CENPM: variants seen among roughly 807,000 people sequenced by gnomAD.
CENPM encodes the protein centromere protein M, also known as interphase centromere complex protein 39.
Under a neutral mutation model 19.6 loss-of-function variants are expected in CENPM, and 14 were observed. The observed-to-expected ratio is 0.71, with a 90% CI of 0.47 to 1.11. The LOEUF is 1.11. Ranked by LOEUF, CENPM falls within the 50% of genes most tolerant of loss-of-function variation. CENPM has a pLI of 0.00. For missense variants in CENPM, 239 were observed against 228.4 expected (o/e 1.05, Z -0.30); for synonymous variants, 114 against 101.5 (o/e 1.12, Z -0.74).
the CENPM span, chr22:41,928,047 C>T: frequency 1.2e-5 from 3 of 247,732 alleles, no homozygotes; most frequent in Non-Finnish European, 2.5e-5. The surrounding 1 kb of genome is among the most constrained non-coding windows in gnomAD (Gnocchi z 4.0). Flanking sequence ...ACAGGAAGTC[C>T]AGGGAGTGCT....
At chr22:41,931,073 C>T in the CENPM span, among the ~76,000 whole-genome samples, 1 of 147,126 alleles carries the variant, frequency 6.8e-6, no homozygotes, top group Non-Finnish European at 1.5e-5. Flanking sequence ...TGGTCTCAAG[C>T]GACCTGCGCG....
At chr22:41,944,994 G>C (rs2146614869) in intron 4 of CENPM, 2 of 1,359,026 alleles carry the variant, frequency 1.5e-6, no homozygotes, top group East Asian at 2.7e-5. Context: ...GTTAAAACTT[G>C]TGTCATGGGG....
downstream of CENPM, among the ~76,000 whole-genome samples, chr22:41,936,944 A>G (rs995058689): frequency 6.6e-6 from 1 of 152,092 alleles, no homozygotes; most frequent in Non-Finnish European, 1.5e-5. Flanking sequence ...CCAAAAAAAA[A>G]GAAAAAAGCA....
At chr22:41,945,046 A>G (rs2077782552) in intron 4 of CENPM, 179 bp downstream of exon 4, 4 of 1,455,978 alleles carry the variant, frequency 2.7e-6, no homozygotes, top group African/African-American at 1.4e-5. Flanking sequence ...TAAGCCTAGT[A>G]CCCATTAGTT....
rs908944100 is a variant in CENPM at position 41,947,065 on chromosome 22, C to T, written c.12G>A (p.Leu4=). 8.1e-6 allele frequency: 13 copies of T among 1,612,912 alleles called. No homozygotes were observed. Among genetic ancestry groups the T allele is most frequent in the Non-Finnish European group, 1.0e-5 (12 of 1,179,928 alleles). The change falls in exon 1 of 6, where the codon TTG becomes TTA. Residue 4 remains leucine (L), a synonymous_variant. Coordinates refer to ENST00000215980, the MANE Select transcript of CENPM (RefSeq NM_024053.5). MSV[L]RPLDKLPGLN... ...GGCCGGGCAGCTTGTCCAGGGGCCT[C>T]AACACCGACATCACAGCCGCAGGAC... is the stretch of plus-strand genomic sequence containing the variant.
the CENPM span, among the ~76,000 whole-genome samples, chr22:41,927,546 G>T: frequency 2.1e-5 from 3 of 145,812 alleles, no homozygotes; most frequent in Non-Finnish European, 3.0e-5. Flanking sequence ...AAAGAGTCTG[G>T]CTCTGTGCAG....
At chr22:41,939,878 A>AAGAAAGAAAG (rs1399573773) in intron 5 of CENPM, among the ~76,000 whole-genome samples, 2 of 72,986 alleles carry the variant, frequency 2.7e-5, no homozygotes, top group Non-Finnish European at 2.4e-5. Flanking sequence ...GAAAGAAAGA[A>AAGAAAGAAAG]AAAGAAAGAA....
downstream of CENPM, among the ~76,000 whole-genome samples, chr22:41,935,395 C>T (rs1030048101): frequency 1.3e-5 from 2 of 152,120 alleles, no homozygotes; most frequent in Non-Finnish European, 2.9e-5. Flanking sequence ...ACACCCATTC[C>T]ATCAGCCCCG....
In CENPM at chr22:41,943,612, C is replaced by A. The variant is rs770672067; in HGVS notation, c.400G>T (p.Glu134Ter). ...YQSPLLYCDL[E>*]VEGFRATMAQ... ...GTCTCTGTGATCAGCATGCTCACCT[C>A]CAGGTCACAGTAGAGCAGGGGGCTT... Residue 134 changes from glutamate to a stop codon, truncating the protein, a stop_gained and splice_region_variant, in exon 5 of 6, where the codon GAG (glutamate) becomes TAG (stop). Transcript: ENST00000215980. LOFTEE classifies it high-confidence loss of function. 1.9e-6 allele frequency: 3 copies of A among 1,612,720 alleles called. No homozygotes were observed. The African/African-American group carries it at 4.0e-5, about 22-fold the overall frequency.
the CENPM span, among the ~76,000 whole-genome samples, chr22:41,927,644 C>T: frequency 6.6e-6 from 1 of 151,808 alleles, no homozygotes; most frequent in Admixed American, 6.6e-5. Flanking sequence ...GGATTACAGG[C>T]ATGCACCACC....
In CENPM at chr22:41,945,914, T is replaced by A; in HGVS notation, c.229A>T (p.Ser77Cys). 2 of 1,612,956 alleles carry A rather than the reference T, an allele frequency of 1.2e-6. No individual in the cohort carries two copies. The highest frequency in any genetic ancestry group is 1.7e-6 in the Non-Finnish European group (2 of 1,179,122). The change falls in exon 3 of 6, where the codon AGT becomes TGT. Residue 77 changes from serine (S) to cysteine (C), a missense_variant and splice_region_variant. Physicochemically the swap from Ser to Cys is moderately radical, Grantham distance 112. Coordinates refer to ENST00000215980, the MANE Select transcript of CENPM (RefSeq NM_024053.5). ...VFVVNLHSKY[S>C]LQNTEESLRH... is the part of the protein sequence containing the mutation. ...ACTGCCCCTTCCTCTGGCTCTCACC[T>A]GTATTTGCTGTGAAGATTAACCACA... is the stretch of plus-strand genomic sequence containing the variant.
At chr22:41,935,320 G>A (rs1169127468), downstream of CENPM, among the ~76,000 whole-genome samples, 1 of 152,024 alleles carries the variant, frequency 6.6e-6, no homozygotes, top group Non-Finnish European at 1.5e-5. Context: ...CCTCCTGGTC[G>A]CCAGCAAAAA....
chr22:41,946,327 G>C lies in CENPM; in HGVS notation c.137+90C>G. On this transcript the variant is annotated intron_variant, in intron 2 of 5. Coordinates refer to ENST00000215980, the MANE Select transcript of CENPM (RefSeq NM_024053.5). ...GGGAGAAGGACCAGCCTCAGAGGAG[G>C]GGGCGCTGGGCTTCGGAGTTTAGCA... 4 of 1,106,872 alleles carry C rather than the reference G, an allele frequency of 3.6e-6. No homozygotes were observed. In the South Asian group the frequency reaches 5.6e-5, roughly 15 times the overall value. 68.6% of individuals were successfully genotyped at this position (1,106,872 alleles called of 1,614,324 possible). A position where few individuals can be genotyped will look rare whatever the true frequency, so the allele number is the denominator to read the frequency against.
chr22:41,946,954 AC>A (rs2077812635), intron 1 of CENPM, 65 bp downstream of exon 1: 2 of 1,523,124 alleles, frequency 1.3e-6, no homozygotes, highest in South Asian at 2.2e-5. Flanking sequence ...AGCTCAGTTG[AC>A]CTAGTGGCTG....
chr22:41,932,521 C>A, the CENPM span, among the ~76,000 whole-genome samples: 3 of 152,242 alleles, frequency 2.0e-5, no homozygotes, highest in Non-Finnish European at 4.4e-5. This position sits in a 1 kb window ranked among gnomAD's most constrained non-coding sequence, Gnocchi z 4.3. Flanking sequence ...GCTGGAGCTG[C>A]CTGTCATCCA....
intron 4 of CENPM, 38 bp from the exon 5 acceptor site, chr22:41,943,739 A>C: frequency 6.4e-7 from 1 of 1,573,804 alleles, no homozygotes; most frequent in East Asian, 2.3e-5. Flanking sequence ...TGCAATCTCT[A>C]CCTTCCTGGC....
chr22:41,928,099 G>A, the CENPM span: 1 of 341,218 alleles, frequency 2.9e-6, no homozygotes, highest in South Asian at 2.4e-5. This position sits in a 1 kb window ranked among gnomAD's most constrained non-coding sequence, Gnocchi z 4.0. Context: ...AGCACATTAG[G>A]GAGCTTGGAC....
At chr22:41,933,394 C>T in the CENPM span, among the ~76,000 whole-genome samples, 1 of 152,092 alleles carries the variant, frequency 6.6e-6, no homozygotes, top group Non-Finnish European at 1.5e-5. Context: ...GGGTCTGTGT[C>T]CTCACAGGGA....
the CENPM span, among the ~76,000 whole-genome samples, chr22:41,931,481 GAAAAA>G: frequency 7.3e-6 from 1 of 136,918 alleles, no homozygotes; most frequent in Non-Finnish European, 1.5e-5. Context: ...CCCCATCTCA[GAAAAA>G]AAAAAAATAA....
Sources: allele counts gnomAD v4.1 joint callset (sites outside exome capture counted in the v4.1 genomes callset), GRCh38; gene constraint gnomAD v4.1.1; non-coding constraint Gnocchi (gnomAD v3.1); transcripts MANE v1.5; gene names NCBI Gene and HGNC (gene_info 2026-07-23, HGNC 2026-07-21).